The following ACVR1 variants were observed in gnomAD, a reference collection of about 807,000 sequenced individuals.
ACVR1 encodes the protein activin receptor type-1.
Under a neutral mutation model 57.1 loss-of-function variants are expected in ACVR1, and 38 were observed. The ratio of observed to expected loss-of-function variants is 0.67; its 90% confidence interval spans 0.51 to 0.87. The LOEUF is 0.87. ACVR1 is among the 40% of genes least tolerant of loss of function. ACVR1 has a pLI of 0.00. For synonymous variants in ACVR1, 212 were observed against 228.1 expected, an observed-to-expected ratio of 0.93 and a Z score of 0.63; for missense variants, 463 against 638.2, an observed-to-expected ratio of 0.73 and a Z score of 2.96.
chr2:157,747,999 G>A (rs1376764990), intron 9 of ACVR1, among the ~76,000 whole-genome samples: 1 of 152,096 alleles, frequency 6.6e-6, no homozygotes, highest in Non-Finnish European at 1.5e-5. Context: ...CAATAAATTA[G>A]AAAACAATCA....
At chr2:157,807,444 C>A (rs897727411) in intron 2 of ACVR1, among the ~76,000 whole-genome samples, 2 of 152,134 alleles carry the variant, frequency 1.3e-5, no homozygotes, top group African/African-American at 2.4e-5. Flanking sequence ...CAAATAGCCA[C>A]GGTCCACCTG....
intron 9 of ACVR1, among the ~76,000 whole-genome samples, chr2:157,759,202 T>C (rs528389345): frequency 6.6e-6 from 1 of 152,166 alleles, no homozygotes; most frequent in African/African-American, 2.4e-5. Context: ...AATAAAAAGT[T>C]AGTTTGTTGG....
At chr2:157,847,862 CAGAG>C (rs1218086032) in intron 1 of ACVR1, among the ~76,000 whole-genome samples, 1 of 152,084 alleles carries the variant, frequency 6.6e-6, no homozygotes, top group Non-Finnish European at 1.5e-5. Flanking sequence ...GAGCAGCTGA[CAGAG>C]AGACTCAGAA....
chr2:157,855,527 A>ACT (rs534146171), intron 1 of ACVR1, among the ~76,000 whole-genome samples: 1 of 151,602 alleles, frequency 6.6e-6, no homozygotes, highest in Non-Finnish European at 1.5e-5. Context: ...ACAAAGGAAA[A>ACT]CTCTGTCCCA....
intron 2 of ACVR1, among the ~76,000 whole-genome samples, chr2:157,818,137 G>C (rs1455185493): frequency 6.6e-6 from 1 of 152,116 alleles, no homozygotes; most frequent in Non-Finnish European, 1.5e-5. Context: ...TTAAAGAATA[G>C]CTGTGCAGAT....
At chr2:157,779,336 AC>A (rs1249832988) in intron 4 of ACVR1, among the ~76,000 whole-genome samples, 1 of 152,184 alleles carries the variant, frequency 6.6e-6, no homozygotes, top group South Asian at 2.1e-4. Context: ...TCCATCAAGG[AC>A]CCTTTTAGTT....
intron 6 of ACVR1, among the ~76,000 whole-genome samples, chr2:157,772,508 TTCAA>T (rs1316186683): frequency 1.3e-5 from 2 of 152,236 alleles, no homozygotes; most frequent in African/African-American, 4.8e-5. Context: ...TTTATACTGT[TTCAA>T]AAGAATGCTG....
At chr2:157,737,693 A>G in intron 10 of ACVR1, 28 bp from the exon 11 acceptor site, 1 of 1,613,994 alleles carries the variant, frequency 6.2e-7, no homozygotes, top group Non-Finnish European at 8.5e-7. Flanking sequence ...AAACACCACA[A>G]TGACAAACTG....
Position 157,793,977 on chromosome 2 carries a change from C to T in ACVR1, c.67+5450G>A, listed in dbSNP as rs543625357. ...CCTAGCAGTCTTCTCTAGAACAGGC[C>T]GAAATCTCTTGCGAAAAAATTCTGC... On this transcript the variant is annotated intron_variant, in intron 3 of 10. Transcript: ENST00000434821. Among the ~76,000 whole-genome samples, 9 of 152,248 alleles carry T rather than the reference C, an allele frequency of 5.9e-5. No individual in the cohort carries two copies. In the South Asian group the frequency reaches 1.2e-3, roughly 21 times the overall value.
intron 1 of ACVR1, among the ~76,000 whole-genome samples, chr2:157,863,205 G>T (rs1689786490): frequency 6.7e-6 from 1 of 149,726 alleles, no homozygotes; most frequent in Non-Finnish European, 1.5e-5. Flanking sequence ...TAGTGATGAG[G>T]TTTCACCATG....
At chr2:157,788,102 G>A (rs1220797329) in intron 3 of ACVR1, among the ~76,000 whole-genome samples, 1 of 152,186 alleles carries the variant, frequency 6.6e-6, no homozygotes, top group East Asian at 1.9e-4. Flanking sequence ...GACACCCACA[G>A]CTAAAGGTGA....
In ACVR1 at chr2:157,736,801, A is replaced by G; in HGVS notation, c.*730T>C. ...GTATAGTGTTAAAAACATTTCTGTA[A>G]TAAAATCATAAGACCACATAAAAAT... is the stretch of plus-strand genomic sequence containing the variant. On this transcript the variant is annotated 3_prime_UTR_variant, in exon 11 of 11. Transcript: ENST00000434821. The G allele has an allele frequency of 2.9e-6, 1 of 344,912 alleles. No homozygotes were observed. Among genetic ancestry groups the G allele is most frequent in the Non-Finnish European group, 5.3e-6 (1 of 188,156 alleles). The allele number at this position is 344,912 out of a possible 1,614,324, so 21.4% of individuals were successfully genotyped here. A position where few individuals can be genotyped will look rare whatever the true frequency, so the allele number is the denominator to read the frequency against.
At position 157,737,476 on chromosome 2, in the gene ACVR1, C is replaced by G; in HGVS notation, c.*55G>C. 6.2e-7 allele frequency: 1 copy of G among 1,603,116 alleles called. No homozygotes were observed. The highest frequency in any genetic ancestry group is 8.5e-7 in the Non-Finnish European group (1 of 1,172,946). On this transcript the variant is annotated 3_prime_UTR_variant, in exon 11 of 11. Transcript: ENST00000434821. The stretch of plus-strand genomic sequence containing the variant: ...ACAACCAGTCAGGCCAGCATTAGGT[C>G]CCAGCTGGACAATGACAACAACGTC...
At chr2:157,831,230 G>A (rs1241103934) in intron 1 of ACVR1, among the ~76,000 whole-genome samples, 4 of 152,208 alleles carry the variant, frequency 2.6e-5, no homozygotes, top group Non-Finnish European at 5.9e-5. Flanking sequence ...TAATAAGCAT[G>A]AAAAAGGTAA....
chr2:157,787,210 C>T (rs1421648113), intron 3 of ACVR1, among the ~76,000 whole-genome samples: 9 of 152,124 alleles, frequency 5.9e-5, no homozygotes, highest in African/African-American at 9.7e-5. Flanking sequence ...TGACCTAAGA[C>T]GATATTCGTC....
intron 9 of ACVR1, among the ~76,000 whole-genome samples, chr2:157,742,406 T>G (rs1262860397): frequency 6.6e-6 from 1 of 152,180 alleles, no homozygotes; most frequent in East Asian, 1.9e-4. Context: ...CGGAACAGAC[T>G]GAGCCAGGCC....
chr2:157,779,338 C>G (rs921492497), intron 4 of ACVR1, among the ~76,000 whole-genome samples: 5 of 152,100 alleles, frequency 3.3e-5, no homozygotes, highest in Non-Finnish European at 5.9e-5. Context: ...CATCAAGGAC[C>G]CTTTTAGTTT....
intron 1 of ACVR1, among the ~76,000 whole-genome samples, chr2:157,851,509 T>C (rs1392947237): frequency 6.6e-6 from 1 of 152,068 alleles, no homozygotes; most frequent in Non-Finnish European, 1.5e-5. Context: ...TATGGAGACA[T>C]TCTTAGAAAA....
Position 157,832,272 on chromosome 2 carries a change from A to G in ACVR1, c.-182-13713T>C, listed in dbSNP as rs554993014. Reference sequence around the variant, plus strand: ...TGCAAATCACCGCCAACTTCAGACTAACATTAGTAAATGGCAGATAATTAA... The same window carrying G: ...TGCAAATCACCGCCAACTTCAGACTGACATTAGTAAATGGCAGATAATTAA... On this transcript the variant is annotated intron_variant, in intron 1 of 10. Transcript: ENST00000434821. 2.0e-4 allele frequency among the ~76,000 whole-genome samples: 30 copies of G among 152,368 alleles called. No individual in the cohort carries two copies. In the South Asian group the frequency reaches 3.5e-3, roughly 18 times the overall value.
Sources: gnomAD v4.1 joint callset for allele counts (sites outside exome capture counted in the v4.1 genomes callset) on GRCh38, gnomAD v4.1.1 for gene constraint, MANE v1.5 for transcripts, NCBI Gene and HGNC (gene_info 2026-07-23, HGNC 2026-07-21) for gene names.